Variants in DGKG observed in about 807,000 individuals in gnomAD.
DGKG encodes diacylglycerol kinase gamma, also known as DAG kinase gamma.
A neutral mutation model predicts 105.3 loss-of-function variants in DGKG; 78 were observed. The ratio of observed to expected loss-of-function variants is 0.74; its 90% CI spans 0.62 to 0.89. The LOEUF (loss-of-function observed/expected upper bound fraction) is 0.89. Ranked by LOEUF, DGKG falls within the 40% of genes least tolerant of loss-of-function variation. The pLI, the probability that DGKG is intolerant of heterozygous loss-of-function variation, is 0.00. For synonymous variants in DGKG, 346 were observed against 367.1 expected (o/e 0.94, Z 0.66); for missense variants, 958 against 1,020.1 (o/e 0.94, Z 0.83).
Position 186,268,781 on chromosome 3 carries a change from C to A in DGKG, c.1116+20G>T. 6.4e-7 allele frequency: 1 copy of A among 1,567,684 alleles called. No homozygotes were observed. Among genetic ancestry groups the A allele is most frequent in the Non-Finnish European group, 8.8e-7 (1 of 1,139,736 alleles). On this transcript the variant is annotated intron_variant, in intron 12 of 24. Coordinates refer to ENST00000265022, the MANE Select transcript of DGKG (RefSeq NM_001346.3). Reference sequence around the variant, plus strand: ...AAAAAACGTTGAAAAGAAGCAGGGCCGCCCTGGGCGCCAACCCACCGTCAT... The same window carrying A: ...AAAAAACGTTGAAAAGAAGCAGGGCAGCCCTGGGCGCCAACCCACCGTCAT...
chr3:186,250,966 G>A (rs933572824), intron 19 of DGKG, among the ~76,000 whole-genome samples: 7 of 151,850 alleles, frequency 4.6e-5, no homozygotes, highest in Non-Finnish European at 8.8e-5. Context: ...TTCCGATCCT[G>A]TTCACAGCAG....
At chr3:186,301,673 T>G (rs1723928441) in intron 3 of DGKG, among the ~76,000 whole-genome samples, 1 of 152,082 alleles carries the variant, frequency 6.6e-6, no homozygotes. Flanking sequence ...GGAACTGAAT[T>G]GAGATTAACT....
At chr3:186,331,437 A>G (rs948104002) in intron 1 of DGKG, among the ~76,000 whole-genome samples, 1 of 152,236 alleles carries the variant, frequency 6.6e-6, no homozygotes, top group Non-Finnish European at 1.5e-5. Context: ...TATTACTGGC[A>G]TGTAGTCCTT....
chr3:186,285,847 T>C (rs1328315781), intron 6 of DGKG, among the ~76,000 whole-genome samples: 1 of 152,120 alleles, frequency 6.6e-6, no homozygotes, highest in Non-Finnish European at 1.5e-5. Flanking sequence ...ACCCGGCTAA[T>C]TTTTTATTTT....
At position 186,361,216 on chromosome 3, in the gene DGKG, GC is replaced by G. The variant is rs1727214244; in HGVS notation, c.-249+729del. Among the ~76,000 whole-genome samples, 1 of 152,192 alleles carries G rather than the reference GC, an allele frequency of 6.6e-6. No homozygotes were observed. The highest frequency in any genetic ancestry group is 2.1e-4 in the South Asian group (1 of 4,830). The stretch of plus-strand genomic sequence containing the variant: ...CTGTAGGGCTTTTTAGAACTCCACA[GC>G]CCCCTCCCCTAATTCTATTCCACTA... On this transcript the variant is annotated intron_variant, in intron 1 of 24. Transcript: ENST00000265022. The surrounding 1 kb of genome is among the most constrained non-coding windows in gnomAD (Gnocchi z 6.8).
chr3:186,330,483 G>A (rs139967028), intron 1 of DGKG, among the ~76,000 whole-genome samples: 99 of 152,314 alleles, frequency 6.5e-4, no homozygotes, highest in African/African-American at 2.3e-3. Flanking sequence ...TGCATTAGAA[G>A]TGGTGCTGTG....
chr3:186,346,783 C>T (rs903595349), intron 1 of DGKG, among the ~76,000 whole-genome samples: 1 of 151,922 alleles, frequency 6.6e-6, no homozygotes, highest in Non-Finnish European at 1.5e-5. Flanking sequence ...ATTTCATAAA[C>T]ATTTTAATAG....
intron 1 of DGKG, among the ~76,000 whole-genome samples, chr3:186,344,541 A>G (rs1726239186): frequency 1.3e-5 from 2 of 152,216 alleles, no homozygotes; most frequent in African/African-American, 4.8e-5. Flanking sequence ...ATAAGAACTT[A>G]AAGAACTTAT....
At chr3:186,280,610 G>A in intron 8 of DGKG, 60 bp downstream of exon 8, 2 of 1,329,100 alleles carry the variant, frequency 1.5e-6, no homozygotes, top group Non-Finnish European at 2.2e-6. Flanking sequence ...TGTCTTGAGT[G>A]TGTCCCCCTC....
chr3:186,298,511 T>C (rs1420828220), intron 3 of DGKG, among the ~76,000 whole-genome samples: 2 of 152,104 alleles, frequency 1.3e-5, no homozygotes, highest in East Asian at 3.9e-4. Context: ...TAAGAAATGA[T>C]ATTATGTAAA....
intron 1 of DGKG, among the ~76,000 whole-genome samples, chr3:186,327,410 G>A (rs997073908): frequency 1.5e-5 from 2 of 137,128 alleles, no homozygotes; most frequent in Non-Finnish European, 3.1e-5. Context: ...TTTTTGAGGC[G>A]TGGTTTCTCT....
chr3:186,317,420 C>T (rs1724869238), intron 2 of DGKG, among the ~76,000 whole-genome samples: 1 of 152,202 alleles, frequency 6.6e-6, no homozygotes, highest in Admixed American at 6.5e-5. Context: ...TCCCATCACA[C>T]ACCCTCCTGG....
chr3:186,152,230 A>G (rs1249543750), intron 24 of DGKG, among the ~76,000 whole-genome samples: 1 of 152,060 alleles, frequency 6.6e-6, no homozygotes, highest in African/African-American at 2.4e-5. Flanking sequence ...AAGGGGAGAG[A>G]GTCTCTGTTT....
chr3:186,170,528 C>T (rs1716769811), intron 22 of DGKG, among the ~76,000 whole-genome samples: 4 of 152,130 alleles, frequency 2.6e-5, no homozygotes, highest in Admixed American at 2.6e-4. Context: ...GAAAACTGCC[C>T]AAAATATATA....
chr3:186,358,506 T>TTGTGTGTGTGTGTGTG (rs142522791), intron 1 of DGKG, among the ~76,000 whole-genome samples: 2,153 of 150,022 alleles, frequency 0.014, 35 homozygotes, highest in African/African-American at 0.035. Context: ...TTCTAACCCT[T>TTGTGTGTGTGTGTGTG]TGTGTGTGTG....
chr3:186,292,670 T>G (rs1182876725), intron 5 of DGKG, among the ~76,000 whole-genome samples: 1 of 138,496 alleles, frequency 7.2e-6, no homozygotes, highest in Non-Finnish European at 1.7e-5. Context: ...GGCGGGTGCC[T>G]GTAATCCCAG....
intron 1 of DGKG, among the ~76,000 whole-genome samples, chr3:186,339,568 G>C (rs1344414015): frequency 6.6e-6 from 1 of 152,148 alleles, no homozygotes; most frequent in Non-Finnish European, 1.5e-5. Context: ...CAGCTAATGG[G>C]TTCCTCAGTT....
intron 13 of DGKG, 103 bp from the exon 14 acceptor site, chr3:186,265,409 GA>G: frequency 1.9e-6 from 2 of 1,053,840 alleles, no homozygotes; most frequent in Non-Finnish European, 2.9e-6. Context: ...AAAGAGATCA[GA>G]AAGCTAGTGT....
chr3:186,360,953 C>T (rs1578883381), intron 1 of DGKG, among the ~76,000 whole-genome samples: 1 of 152,248 alleles, frequency 6.6e-6, no homozygotes, highest in African/African-American at 2.4e-5. Flanking sequence ...GAGGCAGCGG[C>T]GCAGCGCGGG....
Sources: allele counts gnomAD v4.1 joint callset (sites outside exome capture counted in the v4.1 genomes callset), GRCh38; gene constraint gnomAD v4.1.1; non-coding constraint Gnocchi (gnomAD v3.1); transcripts MANE v1.5; gene names NCBI Gene and HGNC (gene_info 2026-07-23, HGNC 2026-07-21).